The following GPC5 variants were observed in gnomAD, a reference collection of about 807,000 sequenced individuals.
GPC5 encodes the protein glypican-5.
GPC5 carries 47 observed loss-of-function variants against 53.9 expected under a neutral mutation model. That is an observed-to-expected ratio of 0.87 (90% CI 0.69 to 1.11). The LOEUF is 1.11. GPC5 is among the 50% of genes most tolerant of loss of function. The pLI is 0.00. For synonymous variants in GPC5, 286 were observed against 263.3 expected, an observed-to-expected ratio of 1.09 and a Z score of -0.84; for missense variants, 748 against 713.1, an observed-to-expected ratio of 1.05 and a Z score of -0.56.
At chr13:92,807,555 T>G (rs529400169) in intron 7 of GPC5, among the ~76,000 whole-genome samples, 7 of 152,190 alleles carry the variant, frequency 4.6e-5, no homozygotes, top group Admixed American at 2.6e-4. Context: ...TGCCTCCTTG[T>G]CAAAATTCAG....
chr13:92,775,942 G>A (rs1321507713), intron 7 of GPC5, among the ~76,000 whole-genome samples: 1 of 152,198 alleles, frequency 6.6e-6, no homozygotes. Flanking sequence ...GAATAAGATG[G>A]ATTTATGACT....
intron 2 of GPC5, among the ~76,000 whole-genome samples, chr13:91,572,210 CGTGTATATATAT>C (rs2031937781): frequency 1.2e-5 from 1 of 83,848 alleles, no homozygotes; most frequent in African/African-American, 4.5e-5. Flanking sequence ...TGTATATATA[CGTGTATATATAT>C]ACACATATGT....
intron 7 of GPC5, among the ~76,000 whole-genome samples, chr13:92,541,757 C>T (rs933878695): frequency 7.2e-5 from 11 of 151,728 alleles, no homozygotes; most frequent in African/African-American, 2.4e-4. Context: ...TTTTACTTTG[C>T]GCATGTATGT....
At chr13:92,288,646 C>T (rs1158750059) in intron 7 of GPC5, among the ~76,000 whole-genome samples, 2 of 152,156 alleles carry the variant, frequency 1.3e-5, no homozygotes, top group Non-Finnish European at 2.9e-5. Context: ...TTGATTCTGA[C>T]AGTCTTGCCA....
chr13:92,825,442 T>C (rs139654791), intron 7 of GPC5, among the ~76,000 whole-genome samples: 1 of 152,242 alleles, frequency 6.6e-6, no homozygotes, highest in African/African-American at 2.4e-5. Flanking sequence ...CAAATGTTAT[T>C]AATTCAATTC....
intron 1 of GPC5, among the ~76,000 whole-genome samples, chr13:91,426,530 A>G (rs1879064206): frequency 1.3e-5 from 2 of 152,164 alleles, no homozygotes; most frequent in Admixed American, 6.5e-5. Context: ...CAAAACCTAA[A>G]AGTAGGGAAG....
intron 6 of GPC5, among the ~76,000 whole-genome samples, chr13:91,971,849 G>C (rs1208751539): frequency 6.6e-6 from 1 of 152,090 alleles, no homozygotes; most frequent in Non-Finnish European, 1.5e-5. Context: ...TATCATTTCT[G>C]TTCTTTTACA....
intron 7 of GPC5, among the ~76,000 whole-genome samples, chr13:92,801,945 G>A (rs1487792228): frequency 2.6e-5 from 4 of 151,668 alleles, no homozygotes; most frequent in Admixed American, 2.6e-4. Flanking sequence ...AGTAAGCTAT[G>A]GTTATTATTG....
chr13:92,205,158 C>T (rs548970188), intron 7 of GPC5, among the ~76,000 whole-genome samples: 19 of 152,090 alleles, frequency 1.2e-4, no homozygotes, highest in East Asian at 7.8e-4. Flanking sequence ...GATTACAGGC[C>T]TGAGCCACCG....
In GPC5 at chr13:91,969,589, T is replaced by C. The variant is rs552953838; in HGVS notation, c.1401+61532T>C. Among the ~76,000 whole-genome samples, 16 of 152,236 alleles carry C rather than the reference T, an allele frequency of 1.1e-4. No homozygotes were observed. The South Asian group carries it at 2.3e-3, about 22-fold the overall frequency. On this transcript the variant is annotated intron_variant, in intron 6 of 7. Coordinates refer to ENST00000377067, the MANE Select transcript of GPC5 (RefSeq NM_004466.6). ...ATCAACAAAATGAAAGGGCAACCTA[T>C]GGAAGGGGAGAAAACATTTGCAAAC...
intron 7 of GPC5, among the ~76,000 whole-genome samples, chr13:92,520,131 T>A (rs1040198010): frequency 1.2e-4 from 19 of 152,136 alleles, no homozygotes; most frequent in Admixed American, 1.1e-3. Flanking sequence ...ATTGAGGCAA[T>A]AATTAATAGC....
intron 2 of GPC5, among the ~76,000 whole-genome samples, chr13:91,648,769 C>G (rs924309822): frequency 6.6e-6 from 1 of 152,086 alleles, no homozygotes; most frequent in Non-Finnish European, 1.5e-5. Flanking sequence ...ATTTATTGAG[C>G]ATCTTTCCTG....
chr13:92,090,510 C>A (rs915884583), intron 6 of GPC5, among the ~76,000 whole-genome samples: 1 of 152,176 alleles, frequency 6.6e-6, no homozygotes, highest in East Asian at 1.9e-4. Context: ...CAGGTCCTCA[C>A]CACGTCTTAT....
At chr13:92,663,128 AC>A (rs1387064447) in intron 7 of GPC5, among the ~76,000 whole-genome samples, 2 of 152,196 alleles carry the variant, frequency 1.3e-5, no homozygotes, top group Non-Finnish European at 2.9e-5. Context: ...GAAAGAATAA[AC>A]ACCTACCTCA....
intron 7 of GPC5, among the ~76,000 whole-genome samples, chr13:92,487,537 A>G (rs1363524222): frequency 6.6e-6 from 1 of 152,214 alleles, no homozygotes; most frequent in Non-Finnish European, 1.5e-5. Context: ...TCTCCTACAA[A>G]GAAGCCTCAA....
chr13:92,371,001 T>G (rs1460233373), intron 7 of GPC5, among the ~76,000 whole-genome samples: 1 of 151,884 alleles, frequency 6.6e-6, no homozygotes, highest in African/African-American at 2.4e-5. Flanking sequence ...ATACAAAAAT[T>G]AGCTGGGTGT....
intron 7 of GPC5, among the ~76,000 whole-genome samples, chr13:92,861,275 A>G (rs906655594): frequency 6.6e-6 from 1 of 152,144 alleles, no homozygotes; most frequent in Non-Finnish European, 1.5e-5. Flanking sequence ...CATACTCTTC[A>G]TTATTCACAC....
intron 3 of GPC5, among the ~76,000 whole-genome samples, chr13:91,708,659 A>T (rs1566626897): frequency 6.6e-6 from 1 of 152,192 alleles, no homozygotes; most frequent in Non-Finnish European, 1.5e-5. Flanking sequence ...GTGGATTTCA[A>T]AAGGGCGAAT....
chr13:91,751,276 C>G (rs372604672), intron 4 of GPC5, among the ~76,000 whole-genome samples: 4 of 152,178 alleles, frequency 2.6e-5, no homozygotes, highest in Non-Finnish European at 2.9e-5. Flanking sequence ...TTTTCAGTAG[C>G]CTTTCCTTCT....
Sources: gnomAD v4.1 joint callset for allele counts (sites outside exome capture counted in the v4.1 genomes callset) on GRCh38, gnomAD v4.1.1 for gene constraint, MANE v1.5 for transcripts, NCBI Gene and HGNC (gene_info 2026-07-23, HGNC 2026-07-21) for gene names.